KAZN: variants seen among roughly 807,000 people sequenced by gnomAD.
KAZN encodes kazrin, periplakin interacting protein.
KAZN carries 40 observed loss-of-function variants against 87.4 expected under a neutral mutation model. The ratio of observed to expected loss-of-function variants is 0.46; its 90% CI spans 0.36 to 0.60. The LOEUF is 0.60. Among genes scored for constraint, KAZN ranks in the 20% least tolerant of loss-of-function variants. The pLI is 0.00. For synonymous variants in KAZN, 466 were observed against 458.3 expected, an observed-to-expected ratio of 1.02 and a Z score of -0.22; for missense variants, 898 against 1,073.9, an observed-to-expected ratio of 0.84 and a Z score of 2.29.
chr1:14,601,108 A>G (rs928125831), intron 1 of KAZN, among the ~76,000 whole-genome samples: 2 of 152,188 alleles, frequency 1.3e-5, no homozygotes, highest in Non-Finnish European at 2.9e-5. Flanking sequence ...AGCAGCTCCC[A>G]TACGCTCTCA....
chr1:14,521,916 C>T lies in KAZN; in HGVS notation c.250-77067C>T, dbSNP rs540495371. 8.5e-5 allele frequency among the ~76,000 whole-genome samples: 13 copies of T among 152,246 alleles called. No homozygotes were observed. In the South Asian group the frequency reaches 1.0e-3, roughly 12 times the overall value. On this transcript the variant is annotated intron_variant, in intron 2 of 16. Transcript: ENST00000636203. ...TGCACCATAGGAAAAAATTCATTTTCGGAGACATCAGCACATTTCAGTGAG... is the reference window on the plus strand; with the variant it reads ...TGCACCATAGGAAAAAATTCATTTTTGGAGACATCAGCACATTTCAGTGAG...
chr1:14,273,912 G>T (rs539269041), intron 2 of KAZN, among the ~76,000 whole-genome samples: 1 of 152,176 alleles, frequency 6.6e-6, no homozygotes, highest in East Asian at 1.9e-4. Flanking sequence ...GAAAGTAACA[G>T]ATTCAAAATA....
rs1303345359 is a variant in KAZN at position 14,459,260 on chromosome 1, C to CGCGT, written c.250-139722_250-139721insCGTG. On this transcript the variant is annotated intron_variant, in intron 2 of 16. Coordinates refer to the KAZN transcript ENST00000636203. ...TCAAGGGGGATATGGTGTGTGTGCG[C>CGCGT]GTGTGTGTGTGTGTGTGTGTGTATA... Among the ~76,000 whole-genome samples, 22 of 118,112 alleles carry CGCGT rather than the reference C, an allele frequency of 1.9e-4. 1 individual carries two copies. The highest frequency in any genetic ancestry group is 4.9e-4 in the Admixed American group (6 of 12,330). 77.5% of individuals were successfully genotyped at this position (118,112 alleles called of 152,430 possible).
At chr1:14,623,395 C>A (rs956225519) in intron 1 of KAZN, among the ~76,000 whole-genome samples, 26 of 152,296 alleles carry the variant, frequency 1.7e-4, no homozygotes, top group African/African-American at 5.5e-4. Flanking sequence ...CATGTCCTCA[C>A]TTATAAGTGG....
chr1:14,176,885 C>T (rs562081705), intron 1 of KAZN, among the ~76,000 whole-genome samples: 2 of 152,278 alleles, frequency 1.3e-5, no homozygotes, highest in Admixed American at 6.5e-5. Flanking sequence ...TTAGGTTGTT[C>T]GCAGTGGCTC....
chr1:14,873,017 T>TGGAA (rs1229478402), intron 1 of KAZN, among the ~76,000 whole-genome samples: 2 of 150,708 alleles, frequency 1.3e-5, no homozygotes, highest in Non-Finnish European at 3.0e-5. Context: ...GATGGATGGA[T>TGGAA]GGATGGGTGG....
rs1430307180 is a variant in KAZN, at chr1:14,856,558, T to C, written c.227-104126T>C. Among the ~76,000 whole-genome samples, 1 of 152,234 alleles carries C rather than the reference T, an allele frequency of 6.6e-6. No homozygotes were observed. Among genetic ancestry groups the C allele is most frequent in the Non-Finnish European group, 1.5e-5 (1 of 68,042 alleles). On this transcript the variant is annotated intron_variant, in intron 1 of 14. Transcript: ENST00000376030. The surrounding 1 kb of genome is among the most constrained non-coding windows in gnomAD (Gnocchi z 5.2). ...TCATTAATATGAACACTATGTTCAT[T>C]AGTATAAAACATTCCATATTTTATT...
chr1:14,007,762 A>G (rs572898419), intron 1 of KAZN, among the ~76,000 whole-genome samples: 1 of 152,222 alleles, frequency 6.6e-6, no homozygotes, highest in African/African-American at 2.4e-5. Flanking sequence ...GTCATGGACA[A>G]ATAAAACACG....
rs561124456 is a variant in KAZN at position 14,996,848 on chromosome 1, C to T, written c.418+35973C>T. ...CATGTGGGGCACTGGGAGGGAGGGCCGTTTGCCTGCGGCCCCATGACCTCG... is the reference window on the plus strand; with the variant it reads ...CATGTGGGGCACTGGGAGGGAGGGCTGTTTGCCTGCGGCCCCATGACCTCG... On this transcript the variant is annotated intron_variant, in intron 2 of 14. Transcript: ENST00000376030. The surrounding 1 kb of genome is among the most constrained non-coding windows in gnomAD (Gnocchi z 5.9). Among the ~76,000 whole-genome samples the T allele has an allele frequency of 9.9e-5, 15 of 152,284 alleles. No homozygotes were observed. In the South Asian group the frequency reaches 3.1e-3, roughly 32 times the overall value.
intron 1 of KAZN, among the ~76,000 whole-genome samples, chr1:14,691,291 C>A (rs1641291763): frequency 1.3e-5 from 2 of 152,080 alleles, no homozygotes; most frequent in Admixed American, 6.6e-5. Flanking sequence ...TGAAAGTGAA[C>A]CCAGTAAGAT....
At position 14,022,485 on chromosome 1, in the gene KAZN, C is replaced by CAAAAAAA. The variant is rs58713618; in HGVS notation, c.91+128752_91+128758dup. On this transcript the variant is annotated intron_variant, in intron 1 of 16. Coordinates refer to the KAZN transcript ENST00000636203. Reference sequence around the variant, plus strand: ...CATTATAGCTTTCACGTATTTAAAGCAAAAAAAAAAAAAAAAAAAAAAAAA... The same window carrying CAAAAAAA: ...CATTATAGCTTTCACGTATTTAAAGCAAAAAAAAAAAAAAAAAAAAAAAAAAAAAAAA... Among the ~76,000 whole-genome samples the CAAAAAAA allele has an allele frequency of 9.4e-4, 104 of 110,464 alleles. 1 individual carries two copies. The highest frequency in any genetic ancestry group is 1.7e-3 in the South Asian group (5 of 2,896). The allele number at this position is 110,464 out of a possible 152,430, so 72.5% of individuals were successfully genotyped here.
chr1:14,391,655 A>G (rs1363354087), intron 2 of KAZN: 1 of 152,248 alleles, frequency 6.6e-6, no homozygotes, highest in East Asian at 1.9e-4. Flanking sequence ...CACAGTTAAC[A>G]CTGGTACCAA....
chr1:15,061,028 C>T (rs902501750), intron 6 of KAZN: 2 of 152,222 alleles, frequency 1.3e-5, no homozygotes, highest in Non-Finnish European at 2.9e-5. Context: ...CTGCCATATC[C>T]TGAAGACAGA....
rs1356357778 is a variant in KAZN, at chr1:15,056,597, G to T, written c.916+317G>T. On this transcript the variant is annotated intron_variant, in intron 5 of 14. Transcript: ENST00000376030. This position sits in a 1 kb window ranked among gnomAD's most constrained non-coding sequence, Gnocchi z 5.4. ...GTCCCCTGCAGTTCCAGATGTTTAAGACCCTCACAGCTCAAGTCTTAAGAA... is the reference window on the plus strand; with the variant it reads ...GTCCCCTGCAGTTCCAGATGTTTAATACCCTCACAGCTCAAGTCTTAAGAA... 2.0e-5 allele frequency among the ~76,000 whole-genome samples: 3 copies of T among 152,086 alleles called. No homozygotes were observed. The highest frequency in any genetic ancestry group is 4.4e-5 in the Non-Finnish European group (3 of 68,034).
intron 2 of KAZN, among the ~76,000 whole-genome samples, chr1:14,365,745 A>G (rs185789361): frequency 6.6e-6 from 1 of 152,302 alleles, no homozygotes; most frequent in African/African-American, 2.4e-5. Context: ...TTGAGGAGCC[A>G]AATTGCCTCA....
rs77865818 is a variant in KAZN, at chr1:14,204,992, T to A, written c.249+24400T>A. Among the ~76,000 whole-genome samples, 1,256 of 152,346 alleles carry A rather than the reference T, an allele frequency of 8.2e-3. 18 individuals carry two copies. Among genetic ancestry groups the A allele is most frequent in the African/African-American group, 0.029 (1,216 of 41,564 alleles). On this transcript the variant is annotated intron_variant, in intron 2 of 16. Transcript: ENST00000636203. ...TGAAGTTCTAAGAAGGTGTTCTTGATTTCCTGGAAGTCCAAGACATTATGT... is the reference window on the plus strand; with the variant it reads ...TGAAGTTCTAAGAAGGTGTTCTTGAATTCCTGGAAGTCCAAGACATTATGT...
intron 2 of KAZN, among the ~76,000 whole-genome samples, chr1:14,181,178 T>G (rs1646190048): frequency 2.0e-5 from 3 of 152,226 alleles, no homozygotes; most frequent in Admixed American, 2.0e-4. Context: ...TTCAGACGTG[T>G]TGATAGACAA....
chr1:14,515,318 G>A (rs886290039), intron 2 of KAZN, among the ~76,000 whole-genome samples: 4 of 152,184 alleles, frequency 2.6e-5, no homozygotes, highest in Admixed American at 6.5e-5. Context: ...CTAGAAAATG[G>A]CATAACTGGG....
At chr1:14,777,958 G>A (rs961455283) in intron 1 of KAZN, among the ~76,000 whole-genome samples, 1 of 152,094 alleles carries the variant, frequency 6.6e-6, no homozygotes, top group African/African-American at 2.4e-5. Flanking sequence ...CCATGAGGAC[G>A]ATCAAAGGTC....
Sources: allele counts gnomAD v4.1 joint callset (sites outside exome capture counted in the v4.1 genomes callset), GRCh38; gene constraint gnomAD v4.1.1; non-coding constraint Gnocchi (gnomAD v3.1); transcripts MANE v1.5; gene names NCBI Gene and HGNC (gene_info 2026-07-23, HGNC 2026-07-21).